The following KCNQ3 variants were observed in gnomAD, a reference collection of about 807,000 sequenced individuals.
KCNQ3 encodes the protein potassium voltage-gated channel subfamily KQT member 3.
Under a neutral mutation model 92.5 loss-of-function variants are expected in KCNQ3, and 30 were observed. That is an observed-to-expected ratio of 0.32 (90% CI 0.24 to 0.44). KCNQ3 has a LOEUF of 0.44. KCNQ3 is among the 20% of genes least tolerant of loss of function. The pLI is 1.00. For missense variants in KCNQ3, 913 were observed against 1,140.3 expected, an observed-to-expected ratio of 0.80 and a Z score of 2.87; for synonymous variants, 450 against 468.8, an observed-to-expected ratio of 0.96 and a Z score of 0.52.
At chr8:132,288,622 T>C (rs1373572359) in intron 1 of KCNQ3, among the ~76,000 whole-genome samples, 1 of 152,210 alleles carries the variant, frequency 6.6e-6, no homozygotes, top group Non-Finnish European at 1.5e-5. Context: ...CATTGTATTG[T>C]TTCCACTTCT....
chr8:132,337,777 T>C (rs575280990), intron 1 of KCNQ3, among the ~76,000 whole-genome samples: 3 of 152,326 alleles, frequency 2.0e-5, no homozygotes, highest in East Asian at 3.9e-4. Flanking sequence ...CCTAGGCCCA[T>C]GCCTGGCATA....
intron 1 of KCNQ3, among the ~76,000 whole-genome samples, chr8:132,415,079 A>G (rs954871289): frequency 1.3e-5 from 2 of 152,222 alleles, no homozygotes; most frequent in Non-Finnish European, 2.9e-5. Flanking sequence ...ATTAAAGGCC[A>G]TCAAAGCTAG....
At chr8:132,178,903 C>T (rs1826656710) in intron 4 of KCNQ3, among the ~76,000 whole-genome samples, 1 of 150,202 alleles carries the variant, frequency 6.7e-6, no homozygotes, top group African/African-American at 2.5e-5. Flanking sequence ...GTATGTGACA[C>T]ATTTCCATGT....
intron 1 of KCNQ3, among the ~76,000 whole-genome samples, chr8:132,305,714 A>T (rs1399858649): frequency 6.6e-6 from 1 of 151,896 alleles, no homozygotes; most frequent in Non-Finnish European, 1.5e-5. Flanking sequence ...CTTCTTTATG[A>T]GCTCCAACAA....
rs1016720008 is a variant in KCNQ3 at position 132,124,120 on chromosome 8, T to A, written c.*5142A>T. On this transcript the variant is annotated 3_prime_UTR_variant, in exon 15 of 15. Transcript: ENST00000388996. ...CAACTCAGCCACTGAGATCCAACAT[T>A]CCTGCCTCTCTTCATTCCAAGATTC... The A allele has an allele frequency of 2.6e-5, 4 of 152,212 alleles. No homozygotes were observed. The highest frequency in any genetic ancestry group is 2.0e-4 in the Admixed American group (3 of 15,284). The allele number at this position is 152,212 out of a possible 1,614,324, so 9.4% of individuals were successfully genotyped here.
At chr8:132,145,563 CTTG>C (rs1825425555) in intron 9 of KCNQ3, among the ~76,000 whole-genome samples, 1 of 152,202 alleles carries the variant, frequency 6.6e-6, no homozygotes, top group Admixed American at 6.5e-5. Context: ...CTCAAGGTAA[CTTG>C]TTAACATACA....
At chr8:132,417,958 C>G (rs1185188618) in intron 1 of KCNQ3, among the ~76,000 whole-genome samples, 1 of 152,066 alleles carries the variant, frequency 6.6e-6, no homozygotes, top group African/African-American at 2.4e-5. Flanking sequence ...TTCAATCCAC[C>G]CAAGGTCCGT....
intron 1 of KCNQ3, among the ~76,000 whole-genome samples, chr8:132,318,088 G>T (rs920817538): frequency 6.6e-6 from 1 of 152,202 alleles, no homozygotes; most frequent in Non-Finnish European, 1.5e-5. Context: ...GGGGTACATG[G>T]AGATTTATTA....
chr8:132,421,026 A>G lies in KCNQ3; in HGVS notation c.386+59121T>C, dbSNP rs1278537458. Among the ~76,000 whole-genome samples, 3 of 152,248 alleles carry G rather than the reference A, an allele frequency of 2.0e-5. No individual in the cohort carries two copies. In the East Asian group the frequency reaches 5.8e-4, roughly 29 times the overall value. On this transcript the variant is annotated intron_variant, in intron 1 of 14. Transcript: ENST00000388996. ...AGGTAAACAGGAAGGCATGACTGGC[A>G]TATACCAGGAGGAGTTTGAGCAGGG...
intron 1 of KCNQ3, among the ~76,000 whole-genome samples, chr8:132,326,538 A>G (rs1355836921): frequency 1.3e-5 from 2 of 152,226 alleles, no homozygotes; most frequent in African/African-American, 4.8e-5. Flanking sequence ...AACAGTATTA[A>G]GGGATGATTG....
At chr8:132,393,824 C>T (rs1186554992) in intron 1 of KCNQ3, among the ~76,000 whole-genome samples, 2 of 152,202 alleles carry the variant, frequency 1.3e-5, no homozygotes, top group Non-Finnish European at 2.9e-5. Context: ...TCAGCCCCTG[C>T]TCATTCCACT....
chr8:132,146,495 G>A (rs146690786), intron 9 of KCNQ3, among the ~76,000 whole-genome samples: 2 of 152,304 alleles, frequency 1.3e-5, no homozygotes, highest in Non-Finnish European at 2.9e-5. Flanking sequence ...TGGAACAGGG[G>A]AGCGTTGTTT....
Position 132,184,288 on chromosome 8 carries a change from C to T in KCNQ3, c.557G>A (p.Gly186Asp). 1 of 1,614,190 alleles carries T rather than the reference C, an allele frequency of 6.2e-7. No homozygotes were observed. Among genetic ancestry groups the T allele is most frequent in the Non-Finnish European group, 8.5e-7 (1 of 1,180,046 alleles). The part of the protein sequence containing the change: ...WAAGCCCRYK[G>D]WRGRLKFARK... The stretch of plus-strand genomic sequence containing the variant: ...GGCAAACTTCAGTCGGCCCCGCCAG[C>T]CTTTGTATCGGCAGCAACATCCAGC... Residue 186 changes from glycine to aspartate, a missense_variant, in exon 3 of 15, where the codon GGC becomes GAC. This residue lies in a region of KCNQ3 where 100 missense variants were observed against 217.6 expected (regional missense o/e 0.46). Transcript: ENST00000388996.
At chr8:132,267,596 C>T (rs1251503379) in intron 1 of KCNQ3, among the ~76,000 whole-genome samples, 1 of 152,134 alleles carries the variant, frequency 6.6e-6, no homozygotes, top group Non-Finnish European at 1.5e-5. Flanking sequence ...AAATCTCATA[C>T]ATAACTACTT....
chr8:132,470,952 G>C (rs1434970105), intron 1 of KCNQ3, among the ~76,000 whole-genome samples: 4 of 152,130 alleles, frequency 2.6e-5, no homozygotes, highest in Non-Finnish European at 5.9e-5. Flanking sequence ...CAGGTATGTT[G>C]TACATTTCCA....
chr8:132,176,356 T>A (rs1826552758), intron 4 of KCNQ3, among the ~76,000 whole-genome samples: 1 of 152,212 alleles, frequency 6.6e-6, no homozygotes, highest in African/African-American at 2.4e-5. Flanking sequence ...AAACCCCTAA[T>A]GGAGACAAGA....
chr8:132,264,026 G>A (rs1295800195), intron 1 of KCNQ3, among the ~76,000 whole-genome samples: 1 of 152,126 alleles, frequency 6.6e-6, no homozygotes, highest in Non-Finnish European at 1.5e-5. Flanking sequence ...GCCCTCACTA[G>A]GATCCAACAG....
intron 1 of KCNQ3, among the ~76,000 whole-genome samples, 174 bp downstream of exon 1, chr8:132,479,966 ACACACAC>A (rs1349639609): frequency 6.6e-6 from 1 of 150,984 alleles, no homozygotes; most frequent in African/African-American, 2.4e-5. Context: ...ACACACACAC[ACACACAC>A]ACACACACAC....
chr8:132,216,842 T>C (rs988999337), intron 1 of KCNQ3, among the ~76,000 whole-genome samples: 1 of 152,114 alleles, frequency 6.6e-6, no homozygotes, highest in Non-Finnish European at 1.5e-5. Context: ...AGAGCTTGCA[T>C]ATGTTCAATG....
Sources: gnomAD v4.1 joint callset for allele counts (sites outside exome capture counted in the v4.1 genomes callset) on GRCh38, gnomAD v4.1.1 for gene constraint, gnomAD v4.1.1 regional missense constraint, MANE v1.5 for transcripts, NCBI Gene and HGNC (gene_info 2026-07-23, HGNC 2026-07-21) for gene names.